The following MIEF1 variants were observed in gnomAD, a reference collection of about 807,000 sequenced individuals.
MIEF1 encodes mitochondrial elongation factor 1, also known as mitochondrial dynamics protein MIEF1.
Under a neutral mutation model 35.1 loss-of-function variants are expected in MIEF1, and 14 were observed. That is an observed-to-expected ratio of 0.40 (90% CI 0.26 to 0.62). The LOEUF (loss-of-function observed/expected upper bound fraction) is 0.62, where lower values mean the gene tolerates loss of function less well. MIEF1 is among the 20% of genes least tolerant of loss of function. The pLI is 0.43. For missense variants in MIEF1, 542 were observed against 615.4 expected (o/e 0.88, Z 1.26); for synonymous variants, 245 against 254.3 (o/e 0.96, Z 0.35).
intron 2 of MIEF1, among the ~76,000 whole-genome samples, chr22:39,510,302 C>T (rs1400717851): frequency 6.6e-6 from 1 of 151,932 alleles, no homozygotes; most frequent in Non-Finnish European, 1.5e-5. Context: ...GGGTCTCACT[C>T]TGTCACTGAG....
At position 39,512,014 on chromosome 22, in the gene MIEF1, A is replaced by G. The variant is rs552010977; in HGVS notation, c.310A>G (p.Thr104Ala). Residue 104 changes from threonine (T) to alanine (A), a missense_variant, in exon 4 of 6, where the codon ACC (threonine) becomes GCC (alanine). Physicochemically the swap from Thr to Ala is moderately conservative, Grantham distance 58. Transcript: ENST00000325301. ...GCAGACCCTTCCCACAGACTCCTCCACCTTCGACACAGGTGAGAAGGGCTG... is the reference window on the plus strand; with the variant it reads ...GCAGACCCTTCCCACAGACTCCTCCGCCTTCGACACAGGTGAGAAGGGCTG... ...SLQTLPTDSS[T>A]FDTDTFCPPR... The G allele has an allele frequency of 1.9e-6, 3 of 1,612,734 alleles. No individual in the cohort carries two copies. Among genetic ancestry groups the G allele is most frequent in the African/African-American group, 2.7e-5 (2 of 75,012 alleles).
chr22:39,514,444 C>T lies in MIEF1; in HGVS notation c.*121C>T. On this transcript the variant is annotated 3_prime_UTR_variant, in exon 6 of 6. Transcript: ENST00000325301. The stretch of plus-strand genomic sequence containing the variant: ...TGCCTGGTGTCTTGCTGATCATCAC[C>T]CTGGTCACTTCATGCTGATTAGAAT... 2.2e-6 allele frequency: 2 copies of T among 900,372 alleles called. No individual in the cohort carries two copies. The highest frequency in any genetic ancestry group is 3.4e-6 in the Non-Finnish European group (2 of 581,606). 55.8% of individuals were successfully genotyped at this position (900,372 alleles called of 1,614,324 possible).
chr22:39,500,466 AAGTC>A (rs1741190362), upstream of MIEF1: 1 of 150,592 alleles, frequency 6.6e-6, no homozygotes, highest in African/African-American at 2.5e-5. Flanking sequence ...TAGAACAAGA[AAGTC>A]AGGAGAGATA....
At chr22:39,505,830 G>A (rs1929987682) in intron 2 of MIEF1, among the ~76,000 whole-genome samples, 1 of 152,200 alleles carries the variant, frequency 6.6e-6, no homozygotes, top group Non-Finnish European at 1.5e-5. Context: ...GTGGGACTTG[G>A]TGATCAGTTG....
In MIEF1 at chr22:39,513,924, C is replaced by T; in HGVS notation, c.993C>T (p.Ala331=). Reference sequence around the variant, plus strand: ...TGGTGGCCAAACCACACCGGCTAGCCCAGTATGACAACCTGTGGCGGCTGA... The same window carrying T: ...TGGTGGCCAAACCACACCGGCTAGCTCAGTATGACAACCTGTGGCGGCTGA... ...TVLVAKPHRL[A]QYDNLWRLSL... Residue 331 remains alanine, a synonymous_variant, in exon 6 of 6, where the codon GCC becomes GCT. Transcript: ENST00000325301. 6.2e-6 allele frequency: 10 copies of T among 1,613,916 alleles called. No homozygotes were observed. The highest frequency in any genetic ancestry group is 1.3e-5 in the African/African-American group (1 of 75,060).
At chr22:39,504,890 T>A (rs1038637318) in intron 2 of MIEF1, among the ~76,000 whole-genome samples, 1 of 152,060 alleles carries the variant, frequency 6.6e-6, no homozygotes, top group African/African-American at 2.4e-5. Context: ...GAACTGCAAT[T>A]TTCTTTTTTA....
At chr22:39,507,018 T>C (rs1930049615) in intron 2 of MIEF1, among the ~76,000 whole-genome samples, 1 of 152,124 alleles carries the variant, frequency 6.6e-6, no homozygotes, top group Non-Finnish European at 1.5e-5. Flanking sequence ...CGATTGGAGG[T>C]GGAGTTCTTA....
Position 39,515,277 on chromosome 22 carries a change from G to A in MIEF1, c.*954G>A, listed in dbSNP as rs1229294894. 2 of 717,554 alleles carry A rather than the reference G, an allele frequency of 2.8e-6. No homozygotes were observed. The highest frequency in any genetic ancestry group is 4.0e-5 in the Admixed American group (2 of 50,024). 44.4% of individuals were successfully genotyped at this position (717,554 alleles called of 1,614,324 possible). The stretch of plus-strand genomic sequence containing the variant: ...GCCTTAGACATCAGGTGAGGATGAT[G>A]GAGGTAGACAGTCGACTGAATGTCA... On this transcript the variant is annotated 3_prime_UTR_variant, in exon 6 of 6. Transcript: ENST00000325301.
Position 39,504,203 on chromosome 22 carries a change from T to C in MIEF1, c.-339T>C, listed in dbSNP as rs1321401766. 2.5e-6 allele frequency: 1 copy of C among 399,152 alleles called. No individual in the cohort carries two copies. The highest frequency in any genetic ancestry group is 3.6e-5 in the East Asian group (1 of 28,078). 24.7% of individuals were successfully genotyped at this position (399,152 alleles called of 1,614,324 possible). On this transcript the variant is annotated splice_region_variant and 5_prime_UTR_variant, in exon 2 of 6. Transcript: ENST00000325301. ...TGTATGTCTTTCCTTCTGTTTATAGTGTGACACCCAGCCCCTGCCAGTCCC... is the reference window on the plus strand; with the variant it reads ...TGTATGTCTTTCCTTCTGTTTATAGCGTGACACCCAGCCCCTGCCAGTCCC...
At position 39,510,531 on chromosome 22, in the gene MIEF1, G is replaced by A. The variant is rs184312894; in HGVS notation, c.-7-757G>A. 1.4e-4 allele frequency among the ~76,000 whole-genome samples: 21 copies of A among 152,218 alleles called. No individual in the cohort carries two copies. In the South Asian group the frequency reaches 1.9e-3, roughly 14 times the overall value. On this transcript the variant is annotated intron_variant, in intron 2 of 5. Transcript: ENST00000325301. ...AGCGATCTTCCCACCTCAGCCTCCC[G>A]GGTAGCTAGGATTATAGGCATGAGC...
At chr22:39,505,973 TCTC>T (rs1213817890) in intron 2 of MIEF1, among the ~76,000 whole-genome samples, 4 of 152,126 alleles carry the variant, frequency 2.6e-5, no homozygotes, top group Admixed American at 1.3e-4. Context: ...TTTTGGTTCT[TCTC>T]AGCCACTTAG....
chr22:39,512,168 G>A (rs1343772239), intron 4 of MIEF1, 64 bp from the exon 5 acceptor site: 1 of 1,572,156 alleles, frequency 6.4e-7, no homozygotes, highest in Admixed American at 1.7e-5. Flanking sequence ...TTCTGGGGCT[G>A]AGGCAGCTGT....
intron 2 of MIEF1, 111 bp downstream of exon 2, chr22:39,504,645 CTGGT>C: frequency 2.8e-6 from 1 of 357,258 alleles, no homozygotes; most frequent in Non-Finnish European, 5.0e-6. Context: ...GCCAGGTGCA[CTGGT>C]GTGCACCTAT....
At chr22:39,507,302 TG>T (rs1451897912) in intron 2 of MIEF1, among the ~76,000 whole-genome samples, 10 of 151,900 alleles carry the variant, frequency 6.6e-5, no homozygotes, top group East Asian at 5.9e-4. Flanking sequence ...TGGAGTGCAG[TG>T]GGTGCAATCT....
At chr22:39,507,362 C>T (rs770196747) in intron 2 of MIEF1, among the ~76,000 whole-genome samples, 7 of 152,000 alleles carry the variant, frequency 4.6e-5, no homozygotes, top group Non-Finnish European at 8.8e-5. Flanking sequence ...TCTCCTGCCT[C>T]GGCCTCCCGA....
In MIEF1 at chr22:39,504,382, G is replaced by C. The variant is rs571130572; in HGVS notation, c.-160G>C. The stretch of plus-strand genomic sequence containing the variant: ...CAGAAGCTAGAGGACGCTGAGGCCC[G>C]GGAGAGGCAGCTGGAGAAGGGCCTG... On this transcript the variant is annotated 5_prime_UTR_variant, in exon 2 of 6. Coordinates refer to ENST00000325301, the MANE Select transcript of MIEF1 (RefSeq NM_019008.6). 5.8e-5 allele frequency: 23 copies of C among 398,940 alleles called. No homozygotes were observed. The highest frequency in any genetic ancestry group is 9.3e-5 in the Non-Finnish European group (21 of 226,108). The allele number at this position is 398,940 out of a possible 1,614,324, so 24.7% of individuals were successfully genotyped here.
chr22:39,514,071 C>G lies in MIEF1; in HGVS notation c.1140C>G (p.Leu380=). The part of the protein sequence containing the change: ...ICKSTPALGH[L]TASQLTNVIL... ...AGTCCACCCCGGCTCTGGGCCACCTCACTGCCAGCCAGCTAACCAATGTCA... is the reference window on the plus strand; with the variant it reads ...AGTCCACCCCGGCTCTGGGCCACCTGACTGCCAGCCAGCTAACCAATGTCA... Residue 380 remains leucine (L), a synonymous_variant, in exon 6 of 6, where the codon CTC becomes CTG. Transcript: ENST00000325301. The G allele has an allele frequency of 6.2e-7, 1 of 1,614,188 alleles. No individual in the cohort carries two copies. The highest frequency in any genetic ancestry group is 8.5e-7 in the Non-Finnish European group (1 of 1,180,046).
intron 2 of MIEF1, among the ~76,000 whole-genome samples, chr22:39,506,986 T>A (rs1256950340): frequency 6.6e-6 from 1 of 152,216 alleles, no homozygotes; most frequent in Admixed American, 6.5e-5. Flanking sequence ...CATTAAGCAA[T>A]GGGGTTCCTT....
chr22:39,512,518 G>T, intron 5 of MIEF1, 24 bp downstream of exon 5: 1 of 1,591,404 alleles, frequency 6.3e-7, no homozygotes. Context: ...TCTCATGGTG[G>T]GTGGGGTTTG....
Sources: gnomAD v4.1 joint callset for allele counts (sites outside exome capture counted in the v4.1 genomes callset) on GRCh38, gnomAD v4.1.1 for gene constraint, MANE v1.5 for transcripts, NCBI Gene and HGNC (gene_info 2026-07-23, HGNC 2026-07-21) for gene names.